FBXL19: variants seen among roughly 807,000 people sequenced by gnomAD.
The protein encoded by FBXL19 is F-box and leucine rich repeat protein 19, also known as F-box/LRR-repeat protein 19.
Under a neutral mutation model 71.2 loss-of-function variants are expected in FBXL19, and 16 were observed. The ratio of observed to expected loss-of-function variants is 0.22; its 90% CI spans 0.15 to 0.34. The LOEUF (loss-of-function observed/expected upper bound fraction) is 0.34, where lower values mean the gene tolerates loss of function less well. Among genes scored for constraint, FBXL19 ranks in the 10% least tolerant of loss-of-function variants. The probability of loss-of-function intolerance (pLI) is 1.00; values close to 1 mark genes in which losing one functional copy is unlikely to be tolerated. For missense variants in FBXL19, 658 were observed against 968.2 expected, an observed-to-expected ratio of 0.68 and a Z score of 4.25; for synonymous variants, 447 against 409.4, an observed-to-expected ratio of 1.09 and a Z score of -1.11.
intron 6 of FBXL19, among the ~76,000 whole-genome samples, chr16:30,929,829 C>T (rs967451533): frequency 1.3e-5 from 2 of 152,242 alleles, no homozygotes; most frequent in Admixed American, 6.5e-5. Context: ...GCTGGGATTA[C>T]AGGCGTGAGC....
In FBXL19 at chr16:30,947,588, A is replaced by C. The variant is rs895407768; in HGVS notation, c.*358A>C. ...AGGACACACACAGGATATGGGAGCC[A>C]GGGGCTGGGGGAGGTGGAAGGGGCG... On this transcript the variant is annotated 3_prime_UTR_variant, in exon 11 of 11. Coordinates refer to ENST00000338343, the MANE Select transcript of FBXL19 (RefSeq NM_001382779.1). 1.3e-3 allele frequency: 306 copies of C among 237,150 alleles called. No individual in the cohort carries two copies. Among genetic ancestry groups the C allele is most frequent in the Non-Finnish European group, 1.8e-3 (238 of 130,814 alleles). The allele number at this position is 237,150 out of a possible 1,614,324, so 14.7% of individuals were successfully genotyped here. A position where few individuals can be genotyped will look rare whatever the true frequency, so the allele number is the denominator to read the frequency against.
rs568700688 is a variant in FBXL19, at chr16:30,939,894, G to A, written c.1302-2222G>A. Among the ~76,000 whole-genome samples the A allele has an allele frequency of 3.9e-5, 6 of 152,126 alleles. No individual in the cohort carries two copies. The South Asian group carries it at 1.2e-3, about 32-fold the overall frequency. ...GGAGGCAAGAGAAAGCTTCCCTTGG[G>A]AGGCCAAGGGAAGGATCGCTTGAGC... On this transcript the variant is annotated intron_variant, in intron 7 of 10. Transcript: ENST00000338343.
Position 30,930,694 on chromosome 16 carries a change from A to G in FBXL19, c.1301+110A>G. 1 of 1,202,334 alleles carries G rather than the reference A, an allele frequency of 8.3e-7. No individual in the cohort carries two copies. The highest frequency in any genetic ancestry group is 1.1e-6 in the Non-Finnish European group (1 of 915,092). The allele number at this position is 1,202,334 out of a possible 1,614,324, so 74.5% of individuals were successfully genotyped here. A position where few individuals can be genotyped will look rare whatever the true frequency, so the allele number is the denominator to read the frequency against. ...TGGGCCTTGCTTTTATATTGGGGAT[A>G]CTTCTCTAGTATGCACAGATTACAG... On this transcript the variant is annotated intron_variant, in intron 7 of 10. Coordinates refer to ENST00000338343, the MANE Select transcript of FBXL19 (RefSeq NM_001382779.1). The surrounding 1 kb of genome is among the most constrained non-coding windows in gnomAD (Gnocchi z 8.5).
At chr16:30,928,043 G>C in intron 5 of FBXL19, 80 bp downstream of exon 5, 5 of 1,011,616 alleles carry the variant, frequency 4.9e-6, no homozygotes, top group Non-Finnish European at 7.1e-6. Flanking sequence ...GTGGGGCTGT[G>C]TGGGCCTGGG....
chr16:30,923,113 G>A, upstream of FBXL19: 1 of 456,690 alleles, frequency 2.2e-6, no homozygotes, highest in South Asian at 1.5e-5. Flanking sequence ...GAGTAGAAAT[G>A]GCAGCGGGAA....
At position 30,925,918 on chromosome 16, in the gene FBXL19, G is replaced by T; in HGVS notation, c.164G>T (p.Arg55Leu). Residue 55 changes from arginine (R) to leucine (L), a missense_variant, in exon 2 of 11, where the codon CGG becomes CTG. Around this residue, in one of 8 missense-constraint regions of FBXL19, gnomAD observed 33 missense variants for 75.4 expected, o/e 0.44. Transcript: ENST00000338343. The surrounding 1 kb of genome is among the most constrained non-coding windows in gnomAD (Gnocchi z 5.0). ...CGCATGAAGCAGTCGTGCCTGCTCCGGCAGTGCACTGCCGTGAGTTCTGCC... is the reference window on the plus strand; with the variant it reads ...CGCATGAAGCAGTCGTGCCTGCTCCTGCAGTGCACTGCCGTGAGTTCTGCC... ...PGRMKQSCLL[R>L]QCTAPVLPHT... 1 of 1,491,610 alleles carries T rather than the reference G, an allele frequency of 6.7e-7. No homozygotes were observed. The highest frequency in any genetic ancestry group is 8.9e-7 in the Non-Finnish European group (1 of 1,126,182). The allele number at this position is 1,491,610 out of a possible 1,614,324, so 92.4% of individuals were successfully genotyped here.
At chr16:30,940,362 G>A (rs1764826338) in intron 7 of FBXL19, among the ~76,000 whole-genome samples, 1 of 151,804 alleles carries the variant, frequency 6.6e-6, no homozygotes, top group African/African-American at 2.4e-5. Flanking sequence ...TAAGGTTGCA[G>A]TGAGCTGTGA....
chr16:30,930,029 T>C lies in FBXL19; in HGVS notation c.790-44T>C. 6.4e-7 allele frequency: 1 copy of C among 1,573,362 alleles called. No homozygotes were observed. Among genetic ancestry groups the C allele is most frequent in the South Asian group, 1.2e-5 (1 of 85,672 alleles). ...TCCTCGGGGTAGGGGGGTGGGAAAA[T>C]GTATCCCAGGCCCTAGAACAGCATC... is the stretch of plus-strand genomic sequence containing the variant. On this transcript the variant is annotated intron_variant, in intron 6 of 10. Transcript: ENST00000338343. This position sits in a 1 kb window ranked among gnomAD's most constrained non-coding sequence, Gnocchi z 8.5.
chr16:30,926,478 G>A (rs8050588), intron 2 of FBXL19, among the ~76,000 whole-genome samples: 68,621 of 151,998 alleles, frequency 0.45, 17,400 homozygotes, highest in South Asian at 0.69. Flanking sequence ...AGTAGGGATC[G>A]GGGAAGCATG....
At chr16:30,926,911 G>A (rs1295108771) in intron 2 of FBXL19, among the ~76,000 whole-genome samples, 1 of 152,112 alleles carries the variant, frequency 6.6e-6, no homozygotes, top group Non-Finnish European at 1.5e-5. Flanking sequence ...AGCGACCTTG[G>A]TATCACCCTA....
chr16:30,925,492 C>A lies in FBXL19; in HGVS notation c.-24-239C>A, dbSNP rs2055580291. Among the ~76,000 whole-genome samples the A allele has an allele frequency of 1.3e-5, 2 of 152,080 alleles. No homozygotes were observed. The highest frequency in any genetic ancestry group is 2.1e-4 in the South Asian group (1 of 4,826). On this transcript the variant is annotated intron_variant, in intron 1 of 10. Transcript: ENST00000338343. The surrounding 1 kb of genome is among the most constrained non-coding windows in gnomAD (Gnocchi z 5.0). ...CTGCTCCCTGGGCTAGGGAAGGGAC[C>A]CTGAGGAGGCGGTAGAGGAGCGAGG...
chr16:30,941,474 T>A (rs2055801772), intron 7 of FBXL19, among the ~76,000 whole-genome samples: 1 of 151,830 alleles, frequency 6.6e-6, no homozygotes, highest in East Asian at 1.9e-4. Context: ...TCAAAAAAAA[T>A]TTTTTTTCAA....
chr16:30,933,437 C>A (rs1013601629), intron 7 of FBXL19, among the ~76,000 whole-genome samples: 21 of 151,840 alleles, frequency 1.4e-4, no homozygotes, highest in African/African-American at 4.6e-4. Context: ...CCTTGCCAGG[C>A]CTTATTTTTG....
At chr16:30,932,366 T>C (rs930866150) in intron 7 of FBXL19, among the ~76,000 whole-genome samples, 1 of 152,222 alleles carries the variant, frequency 6.6e-6, no homozygotes, top group Non-Finnish European at 1.5e-5. Context: ...CTGCCTCATG[T>C]ACTAATCAAG....
At chr16:30,926,656 C>T (rs535483676) in intron 2 of FBXL19, among the ~76,000 whole-genome samples, 2 of 152,134 alleles carry the variant, frequency 1.3e-5, no homozygotes, top group Admixed American at 1.3e-4. Context: ...CACCCCTCAG[C>T]CCCTCACTTC....
At position 30,930,299 on chromosome 16, in the gene FBXL19, G is replaced by A; in HGVS notation, c.1016G>A (p.Gly339Asp). The change falls in exon 7 of 11, where the codon GGC (glycine) becomes GAC (aspartate). Residue 339 changes from glycine to aspartate, a missense_variant. Physicochemically the swap from Gly to Asp is moderately conservative, Grantham distance 94. This residue lies in a region of FBXL19 where 447 missense variants were observed against 515.4 expected (regional missense o/e 0.87). Transcript: ENST00000338343. The surrounding 1 kb of genome is among the most constrained non-coding windows in gnomAD (Gnocchi z 8.5). ...CGGAATGGGCGACGGCCAGCCCGGGGCAGCTCTGGCGAGAAGGAGAACCGT... is the reference window on the plus strand; with the variant it reads ...CGGAATGGGCGACGGCCAGCCCGGGACAGCTCTGGCGAGAAGGAGAACCGT... ...EARNGRRPAR[G>D]SSGEKENRGG... 6.2e-7 allele frequency: 1 copy of A among 1,611,202 alleles called. No homozygotes were observed. Among genetic ancestry groups the A allele is most frequent in the South Asian group, 1.1e-5 (1 of 91,030 alleles).
At chr16:30,928,708 CCTG>C in intron 6 of FBXL19, 80 bp downstream of exon 6, 1 of 1,287,076 alleles carries the variant, frequency 7.8e-7, no homozygotes, top group Non-Finnish European at 1.0e-6. Context: ...CCTGTCCCTT[CCTG>C]CTCACCTTGT....
At chr16:30,936,954 G>A (rs578006911) in intron 7 of FBXL19, among the ~76,000 whole-genome samples, 43 of 151,884 alleles carry the variant, frequency 2.8e-4, no homozygotes, top group Admixed American at 2.8e-3. Context: ...TGTTGGCCAG[G>A]CTGGTCTTGA....
Position 30,927,467 on chromosome 16 carries a change from C to T in FBXL19, c.321+16C>T. 1 of 1,583,016 alleles carries T rather than the reference C, an allele frequency of 6.3e-7. No individual in the cohort carries two copies. The highest frequency in any genetic ancestry group is 8.6e-7 in the Non-Finnish European group (1 of 1,164,578). Reference sequence around the variant, plus strand: ...CTGCCTGAAGGTGATGGCCCTGGGACCCCGGCGTCTGGGGTGGGGCAGATT... The same window carrying T: ...CTGCCTGAAGGTGATGGCCCTGGGATCCCGGCGTCTGGGGTGGGGCAGATT... On this transcript the variant is annotated intron_variant, in intron 3 of 10. Transcript: ENST00000338343.
Sources: allele counts gnomAD v4.1 joint callset (sites outside exome capture counted in the v4.1 genomes callset), GRCh38; gene constraint gnomAD v4.1.1; regional missense constraint gnomAD v4.1.1; non-coding constraint Gnocchi (gnomAD v3.1); transcripts MANE v1.5; gene names NCBI Gene and HGNC (gene_info 2026-07-23, HGNC 2026-07-21).